The following BMPER variants were observed in gnomAD, a reference collection of about 807,000 sequenced individuals.
BMPER encodes BMP binding endothelial regulator.
In BMPER, 45 loss-of-function variants were observed where a neutral mutation model predicts 87.3. That is an observed-to-expected ratio of 0.52 (90% CI 0.41 to 0.66). The LOEUF is 0.66. Among genes scored for constraint, BMPER ranks in the 30% least tolerant of loss-of-function variants. The pLI is 0.00. For synonymous variants in BMPER, 326 were observed against 316.2 expected, an observed-to-expected ratio of 1.03 and a Z score of -0.33; for missense variants, 784 against 867.5, an observed-to-expected ratio of 0.90 and a Z score of 1.21.
chr7:34,153,255 C>G lies in BMPER; in HGVS notation c.2040C>G (p.Val680=), dbSNP rs780877732. 6.2e-7 allele frequency: 1 copy of G among 1,614,044 alleles called. No homozygotes were observed. Among genetic ancestry groups the G allele is most frequent in the Non-Finnish European group, 8.5e-7 (1 of 1,179,970 alleles). ...VLHKGRCIKP[V]LCPQR is the part of the protein sequence containing the mutation. ...ACAAGGGAAGGTGCATCAAGCCAGT[C>G]CTTTGTCCCCAGCGGTGACCTTTGT... Residue 680 remains valine (V), a synonymous_variant, in exon 15 of 15, where the codon GTC becomes GTG. Transcript: ENST00000649409.
chr7:34,004,719 G>C (rs1414683574), intron 6 of BMPER, among the ~76,000 whole-genome samples: 1 of 152,112 alleles, frequency 6.6e-6, no homozygotes, highest in Non-Finnish European at 1.5e-5. Context: ...TTCCGTAAAT[G>C]TCTTGAACCA....
intron 13 of BMPER, among the ~76,000 whole-genome samples, chr7:34,116,537 T>C (rs546959532): frequency 2.6e-5 from 4 of 152,214 alleles, no homozygotes; most frequent in Non-Finnish European, 2.9e-5. Flanking sequence ...TGGGAGTTAA[T>C]AGAGAATTGT....
upstream of BMPER, chr7:33,905,359 G>GAAA (rs34276608): frequency 0.035 from 8,589 of 247,042 alleles, 3 homozygotes; most frequent in Middle Eastern, 0.063. Context: ...ACTCCCTCAG[G>GAAA]AAAAAAAAAA....
intron 3 of BMPER, among the ~76,000 whole-genome samples, chr7:33,947,592 A>C (rs2128612333): frequency 6.6e-6 from 1 of 152,296 alleles, no homozygotes; most frequent in Non-Finnish European, 1.5e-5. Flanking sequence ...GCAAAATATA[A>C]ATATTTGCAC....
chr7:33,989,144 C>A (rs1182515103), intron 6 of BMPER, among the ~76,000 whole-genome samples: 1 of 134,664 alleles, frequency 7.4e-6, no homozygotes, highest in Non-Finnish European at 1.6e-5. Flanking sequence ...AATGGGATGG[C>A]TGGGTCAAAT....
intron 1 of BMPER, 21 bp downstream of exon 1, chr7:33,905,767 G>GGGTGGC: frequency 2.2e-6 from 2 of 914,070 alleles, no homozygotes; most frequent in Non-Finnish European, 3.3e-6. Context: ...GGGCGGGAGG[G>GGGTGGC]ACCGGCCCTC....
chr7:34,118,732 T>G (rs1447586812), intron 13 of BMPER, among the ~76,000 whole-genome samples: 1 of 152,216 alleles, frequency 6.6e-6, no homozygotes, highest in Non-Finnish European at 1.5e-5. Context: ...ATGAAATTAA[T>G]ATTTAGATTA....
At chr7:34,097,031 G>A (rs1789548180) in intron 13 of BMPER, among the ~76,000 whole-genome samples, 1 of 152,222 alleles carries the variant, frequency 6.6e-6, no homozygotes, top group South Asian at 2.1e-4. Flanking sequence ...AGCAAAACAA[G>A]TTAACAGGAA....
chr7:34,047,620 G>C (rs1454228862), intron 7 of BMPER, among the ~76,000 whole-genome samples: 2 of 151,984 alleles, frequency 1.3e-5, no homozygotes. Context: ...AGCAAGTTGA[G>C]GTCAGACTAT....
chr7:34,134,808 G>T (rs1035969090), intron 13 of BMPER, among the ~76,000 whole-genome samples: 1 of 152,170 alleles, frequency 6.6e-6, no homozygotes, highest in East Asian at 1.9e-4. Context: ...CCATACATGC[G>T]TGATAGCTGT....
intron 10 of BMPER, among the ~76,000 whole-genome samples, chr7:34,059,084 G>A (rs550290573): frequency 6.2e-4 from 93 of 150,658 alleles, no homozygotes; most frequent in African/African-American, 2.2e-3. Flanking sequence ...AAAACTGAAA[G>A]CCTCCCATAA....
chr7:34,108,136 A>G (rs1789870923), intron 13 of BMPER, among the ~76,000 whole-genome samples: 1 of 152,228 alleles, frequency 6.6e-6, no homozygotes, highest in Admixed American at 6.5e-5. Context: ...TATTAATACC[A>G]GTGAGAGGCC....
intron 14 of BMPER, 24 bp downstream of exon 14, chr7:34,143,384 C>T (rs1017673931): frequency 1.9e-6 from 3 of 1,613,228 alleles, no homozygotes; most frequent in African/African-American, 2.7e-5. Context: ...GCTGGATCTA[C>T]CCATCAAAAG....
chr7:34,115,644 C>A (rs1376650599), intron 13 of BMPER, among the ~76,000 whole-genome samples: 1 of 152,180 alleles, frequency 6.6e-6, no homozygotes, highest in Non-Finnish European at 1.5e-5. Flanking sequence ...CAAGGTTCAT[C>A]CATATTGTAG....
At chr7:33,981,476 A>G (rs1785858026) in intron 6 of BMPER, among the ~76,000 whole-genome samples, 1 of 152,166 alleles carries the variant, frequency 6.6e-6, no homozygotes, top group Non-Finnish European at 1.5e-5. Flanking sequence ...CCTGTTGGGA[A>G]ACTCTTTTAT....
chr7:34,137,926 C>T (rs1790761709), intron 13 of BMPER, among the ~76,000 whole-genome samples: 1 of 152,084 alleles, frequency 6.6e-6, no homozygotes. Flanking sequence ...CTCAGTATAC[C>T]TATAAATCCC....
At chr7:34,038,572 CAAT>C (rs753319430) in intron 6 of BMPER, among the ~76,000 whole-genome samples, 5 of 151,088 alleles carry the variant, frequency 3.3e-5, no homozygotes, top group Non-Finnish European at 7.4e-5. Flanking sequence ...ACAATAATAA[CAAT>C]AATGCAGTTA....
chr7:34,152,031 C>G (rs779346407), intron 14 of BMPER, among the ~76,000 whole-genome samples: 27 of 152,174 alleles, frequency 1.8e-4, no homozygotes, highest in Non-Finnish European at 3.4e-4. Context: ...TGTGGCAACT[C>G]TAAATGCATA....
At chr7:34,094,140 C>T (rs1789466489) in intron 13 of BMPER, among the ~76,000 whole-genome samples, 1 of 152,210 alleles carries the variant, frequency 6.6e-6, no homozygotes, top group Non-Finnish European at 1.5e-5. Flanking sequence ...CTGCCATGAG[C>T]TCTCAGAGGA....
Sources: allele counts gnomAD v4.1 joint callset (sites outside exome capture counted in the v4.1 genomes callset), GRCh38; gene constraint gnomAD v4.1.1; transcripts MANE v1.5; gene names NCBI Gene and HGNC (gene_info 2026-07-23, HGNC 2026-07-21).